Variants in ZNF385D observed in about 807,000 individuals in gnomAD.
The protein encoded by ZNF385D is zinc finger protein 385D, also known as zinc finger protein 659.
Under a neutral mutation model 35.8 loss-of-function variants are expected in ZNF385D, and 15 were observed. The observed-to-expected ratio is 0.42, with a 90% CI of 0.28 to 0.64. The LOEUF (loss-of-function observed/expected upper bound fraction) is 0.64, where lower values mean the gene tolerates loss of function less well. Among genes scored for constraint, ZNF385D ranks in the 30% least tolerant of loss-of-function variants. ZNF385D has a pLI of 0.23. For missense variants in ZNF385D, 474 were observed against 494.6 expected (o/e 0.96, Z 0.39); for synonymous variants, 212 against 186.8 (o/e 1.13, Z -1.10).
In ZNF385D at chr3:21,441,409, A is replaced by G. The variant is rs189806582; in HGVS notation, c.440-4206T>C. 8.5e-5 allele frequency among the ~76,000 whole-genome samples: 13 copies of G among 152,336 alleles called. No individual in the cohort carries two copies. The East Asian group carries it at 2.1e-3, about 25-fold the overall frequency. The stretch of plus-strand genomic sequence containing the variant: ...CCCAACGCCAGAGCTGCCAACAGGT[A>G]ACACAATGATTTGAACACAGTCTGG... On this transcript the variant is annotated intron_variant, in intron 4 of 7. Coordinates refer to ENST00000281523, the MANE Select transcript of ZNF385D (RefSeq NM_024697.3).
intron 2 of ZNF385D, among the ~76,000 whole-genome samples, chr3:22,304,355 A>G (rs1703086129): frequency 6.6e-6 from 1 of 152,138 alleles, no homozygotes; most frequent in African/African-American, 2.4e-5. Flanking sequence ...CAAATTGCTT[A>G]TATTTAAGAT....
chr3:22,083,432 G>A (rs184120124), intron 3 of ZNF385D, among the ~76,000 whole-genome samples: 87 of 152,294 alleles, frequency 5.7e-4, no homozygotes, highest in Non-Finnish European at 1.0e-3. Context: ...ACTACGTGAA[G>A]CATGCACAAG....
intron 4 of ZNF385D, among the ~76,000 whole-genome samples, chr3:21,491,051 C>A (rs1705391748): frequency 9.3e-6 from 1 of 107,428 alleles, no homozygotes; most frequent in Non-Finnish European, 1.9e-5. Flanking sequence ...ACACAGGATC[C>A]TGTGTTAGGT....
At chr3:22,229,236 T>TAAA (rs1243172751) in intron 2 of ZNF385D, among the ~76,000 whole-genome samples, 1 of 152,184 alleles carries the variant, frequency 6.6e-6, no homozygotes, top group African/African-American at 2.4e-5. Flanking sequence ...TTACTTGCAG[T>TAAA]ATTATGTTTG....
At chr3:22,129,064 C>G (rs1342879885) in intron 3 of ZNF385D, among the ~76,000 whole-genome samples, 1 of 152,200 alleles carries the variant, frequency 6.6e-6, no homozygotes, top group Non-Finnish European at 1.5e-5. Flanking sequence ...TGCCCAGCAA[C>G]TCTAAGACTC....
chr3:21,742,115 A>G (rs6776715), intron 1 of ZNF385D, among the ~76,000 whole-genome samples: 9,010 of 152,256 alleles, frequency 0.059, 870 homozygotes, highest in African/African-American at 0.2. Flanking sequence ...CTTCATAACA[A>G]GGTCCATTTA....
intron 2 of ZNF385D, among the ~76,000 whole-genome samples, chr3:22,255,790 G>GC (rs1553637458): frequency 6.9e-6 from 1 of 145,718 alleles, no homozygotes; most frequent in East Asian, 2.0e-4. Flanking sequence ...CCTTAACTCA[G>GC]TTTTTTTTTT....
intron 3 of ZNF385D, among the ~76,000 whole-genome samples, chr3:22,036,546 T>TATGGCAA (rs1698330656): frequency 6.6e-6 from 1 of 152,074 alleles, no homozygotes. Flanking sequence ...GATATGAGTA[T>TATGGCAA]ATGGCAAATG....
chr3:21,925,998 A>G (rs187094857), intron 3 of ZNF385D, among the ~76,000 whole-genome samples: 2 of 152,320 alleles, frequency 1.3e-5, no homozygotes, highest in Non-Finnish European at 2.9e-5. Flanking sequence ...GTAAAGATGC[A>G]GAAAATCTGG....
chr3:21,804,538 C>T (rs1000854914), intron 3 of ZNF385D, among the ~76,000 whole-genome samples: 3 of 152,054 alleles, frequency 2.0e-5, no homozygotes, highest in African/African-American at 4.8e-5. Context: ...ATTTGTCAAG[C>T]CTTGCCTAAG....
At chr3:22,134,747 T>C (rs1704004086) in intron 3 of ZNF385D, among the ~76,000 whole-genome samples, 1 of 152,136 alleles carries the variant, frequency 6.6e-6, no homozygotes, top group African/African-American at 2.4e-5. Context: ...GGTCCATAGC[T>C]GGCAAGGGCC....
At chr3:21,551,180 C>T (rs2062555896) in intron 3 of ZNF385D, among the ~76,000 whole-genome samples, 1 of 152,164 alleles carries the variant, frequency 6.6e-6, no homozygotes, top group African/African-American at 2.4e-5. Flanking sequence ...CAGGTCTTCT[C>T]TCTAGGACAG....
chr3:21,783,734 G>T (rs1415214805), intron 3 of ZNF385D, among the ~76,000 whole-genome samples: 1 of 152,154 alleles, frequency 6.6e-6, no homozygotes, highest in African/African-American at 2.4e-5. Context: ...CCAGGTAAAA[G>T]ATGCTCTTTA....
rs143420021 is a variant in ZNF385D, at chr3:22,276,454, T to TGC, written c.106+95994_106+95995dup. Among the ~76,000 whole-genome samples, 675 of 152,266 alleles carry TGC rather than the reference T, an allele frequency of 4.4e-3. 7 individuals are homozygous for TGC. The highest frequency in any genetic ancestry group is 0.015 in the African/African-American group (642 of 41,576). On this transcript the variant is annotated intron_variant, in intron 2 of 5. Coordinates refer to the ZNF385D transcript ENST00000494108. The stretch of plus-strand genomic sequence containing the variant: ...TTACTGGACTAAAAGTTATAAGTCC[T>TGC]GCATCTGAGACCCAGATCTATCAAC...
chr3:21,819,055 G>C (rs568183275), intron 3 of ZNF385D, among the ~76,000 whole-genome samples: 1 of 152,012 alleles, frequency 6.6e-6, no homozygotes, highest in South Asian at 2.1e-4. Flanking sequence ...GTTATTAACA[G>C]GGCCTTGTAA....
At chr3:22,143,609 C>A (rs569584074) in intron 3 of ZNF385D, among the ~76,000 whole-genome samples, 1 of 152,094 alleles carries the variant, frequency 6.6e-6, no homozygotes, top group East Asian at 1.9e-4. Context: ...TGTGATTTGC[C>A]TTTAAATATT....
chr3:21,930,869 G>A (rs752367589), intron 3 of ZNF385D, among the ~76,000 whole-genome samples: 4 of 151,836 alleles, frequency 2.6e-5, no homozygotes, highest in Non-Finnish European at 4.4e-5. Context: ...AGATATACAG[G>A]AGAAAAAAGA....
intron 3 of ZNF385D, among the ~76,000 whole-genome samples, chr3:22,068,636 T>TTTGATCC (rs1700083710): frequency 6.6e-6 from 1 of 152,240 alleles, no homozygotes; most frequent in Non-Finnish European, 1.5e-5. Context: ...TTCTTTGATC[T>TTTGATCC]TTCTTTGGCT....
intron 3 of ZNF385D, among the ~76,000 whole-genome samples, chr3:21,894,471 C>G (rs1699032983): frequency 6.6e-6 from 1 of 152,106 alleles, no homozygotes; most frequent in Non-Finnish European, 1.5e-5. Flanking sequence ...TCTTTCCTTT[C>G]TTTTGCAATA....
Sources: allele counts gnomAD v4.1 joint callset (sites outside exome capture counted in the v4.1 genomes callset), GRCh38; gene constraint gnomAD v4.1.1; transcripts MANE v1.5; gene names NCBI Gene and HGNC (gene_info 2026-07-23, HGNC 2026-07-21).